The following NSMCE2 variants were observed in gnomAD, a reference collection of about 807,000 sequenced individuals.
NSMCE2 encodes E3 SUMO-protein ligase NSE2.
Under a neutral mutation model 23.8 loss-of-function variants are expected in NSMCE2, and 24 were observed. The ratio of observed to expected loss-of-function variants is 1.01; its 90% CI spans 0.73 to 1.42. The LOEUF (loss-of-function observed/expected upper bound fraction) is 1.42, where lower values mean the gene tolerates loss of function less well. Among genes scored for constraint, NSMCE2 ranks in the 40% most tolerant of loss-of-function variants. NSMCE2 has a pLI of 0.00. For synonymous variants in NSMCE2, 92 were observed against 94.1 expected, an observed-to-expected ratio of 0.98 and a Z score of 0.13; for missense variants, 284 against 296.5, an observed-to-expected ratio of 0.96 and a Z score of 0.31.
chr8:125,251,644 G>A (rs1338622334), intron 5 of NSMCE2, among the ~76,000 whole-genome samples: 2 of 152,142 alleles, frequency 1.3e-5, no homozygotes, highest in Non-Finnish European at 2.9e-5. Flanking sequence ...AGCAAAAATA[G>A]CAACCACTTA....
intron 4 of NSMCE2, among the ~76,000 whole-genome samples, chr8:125,181,095 A>T (rs1451682865): frequency 1.3e-5 from 2 of 152,202 alleles, no homozygotes; most frequent in Non-Finnish European, 2.9e-5. Context: ...GGGAGCGATT[A>T]TGAAGGCCTG....
intron 5 of NSMCE2, among the ~76,000 whole-genome samples, chr8:125,214,079 A>G (rs1382449901): frequency 2.0e-5 from 3 of 152,208 alleles, no homozygotes; most frequent in Admixed American, 2.0e-4. Flanking sequence ...GTGTTAATAA[A>G]TGTTTTCAAA....
intron 3 of NSMCE2, among the ~76,000 whole-genome samples, chr8:125,145,667 G>A (rs901473246): frequency 1.3e-5 from 2 of 152,162 alleles, no homozygotes; most frequent in African/African-American, 4.8e-5. Context: ...GGGGGTCGGG[G>A]GAGTCAAATG....
chr8:125,352,494 A>AT (rs1169176458), intron 5 of NSMCE2, among the ~76,000 whole-genome samples: 3 of 151,746 alleles, frequency 2.0e-5, no homozygotes. Context: ...AAAAAAAAAA[A>AT]TTTGGGAGCA....
intron 1 of NSMCE2, among the ~76,000 whole-genome samples, chr8:125,101,177 T>C (rs1586423460): frequency 6.6e-6 from 1 of 152,202 alleles, no homozygotes; most frequent in South Asian, 2.1e-4. Flanking sequence ...GGTCTCATGA[T>C]TGACATGGTA....
intron 5 of NSMCE2, among the ~76,000 whole-genome samples, chr8:125,220,843 A>T (rs1391806793): frequency 6.6e-6 from 1 of 152,198 alleles, no homozygotes; most frequent in Non-Finnish European, 1.5e-5. Flanking sequence ...AATGCAAGAA[A>T]AACTAACATT....
At position 125,230,070 on chromosome 8, in the gene NSMCE2, G is replaced by A. The variant is rs1825258339; in HGVS notation, c.418+47814G>A. ...AAAACTCTTAAAATAGATCTTTTGT[G>A]TAGCATATAACACAAATATCTTTTT... is the stretch of plus-strand genomic sequence containing the variant. On this transcript the variant is annotated intron_variant, in intron 5 of 7. Coordinates refer to ENST00000287437, the MANE Select transcript of NSMCE2 (RefSeq NM_173685.4). Among the ~76,000 whole-genome samples, 3 of 152,130 alleles carry A rather than the reference G, an allele frequency of 2.0e-5. 1 individual carries two copies. The South Asian group carries it at 6.2e-4, about 32-fold the overall frequency.
intron 5 of NSMCE2, among the ~76,000 whole-genome samples, chr8:125,223,716 A>G (rs745646658): frequency 3.3e-5 from 5 of 151,586 alleles, no homozygotes; most frequent in Non-Finnish European, 7.4e-5. Flanking sequence ...TGCATTTCCC[A>G]GGTGTCTGGA....
At chr8:125,299,893 G>A (rs1045444386) in intron 5 of NSMCE2, among the ~76,000 whole-genome samples, 9 of 131,866 alleles carry the variant, frequency 6.8e-5, no homozygotes, top group East Asian at 5.1e-4. Context: ...ATCTCGGCTC[G>A]CTGCAGCCTC....
intron 3 of NSMCE2, among the ~76,000 whole-genome samples, chr8:125,123,603 CACAA>C (rs777573062): frequency 4.1e-4 from 62 of 152,220 alleles, no homozygotes; most frequent in African/African-American, 1.1e-3. Context: ...CGCACACGCA[CACAA>C]ACACACACAC....
At chr8:125,276,332 GT>G (rs1827449063) in intron 5 of NSMCE2, among the ~76,000 whole-genome samples, 1 of 152,156 alleles carries the variant, frequency 6.6e-6, no homozygotes, top group African/African-American at 2.4e-5. Context: ...TTGCTGTGTA[GT>G]TTTCCTGCCC....
intron 5 of NSMCE2, among the ~76,000 whole-genome samples, chr8:125,298,110 A>G (rs1222147157): frequency 2.6e-5 from 4 of 151,960 alleles, no homozygotes; most frequent in Non-Finnish European, 4.4e-5. Flanking sequence ...AAAATAAAAA[A>G]TTTGCCTGGT....
intron 5 of NSMCE2, among the ~76,000 whole-genome samples, chr8:125,245,298 A>G (rs1825912490): frequency 6.6e-6 from 1 of 152,134 alleles, no homozygotes; most frequent in Non-Finnish European, 1.5e-5. Context: ...ATAAATAAAT[A>G]AAGGTAAGCA....
intron 5 of NSMCE2, among the ~76,000 whole-genome samples, chr8:125,284,220 T>G (rs1275029033): frequency 6.6e-6 from 1 of 151,458 alleles, no homozygotes; most frequent in Admixed American, 6.6e-5. Flanking sequence ...GAAAAAAAAT[T>G]TTAAGTTCTG....
intron 5 of NSMCE2, among the ~76,000 whole-genome samples, chr8:125,338,916 C>G (rs1830147120): frequency 6.6e-6 from 1 of 152,152 alleles, no homozygotes; most frequent in Non-Finnish European, 1.5e-5. Flanking sequence ...AAAGGATTCC[C>G]TGAAAACTAA....
intron 5 of NSMCE2, among the ~76,000 whole-genome samples, chr8:125,243,663 A>T (rs984421008): frequency 1.3e-5 from 2 of 152,208 alleles, no homozygotes; most frequent in African/African-American, 2.4e-5. Flanking sequence ...TTAAGGAATT[A>T]TAAGAACTAT....
rs2130370115 is a variant in NSMCE2, at chr8:125,103,562, T to A, written c.157+1075T>A. Among the ~76,000 whole-genome samples, 3 of 152,306 alleles carry A rather than the reference T, an allele frequency of 2.0e-5. No individual in the cohort carries two copies. In the Middle Eastern group the frequency reaches 0.01, roughly 518 times the overall value. On this transcript the variant is annotated intron_variant, in intron 3 of 7. Transcript: ENST00000287437. Reference sequence around the variant, plus strand: ...TTCTGCTACTATTTCTTCAAATATATTTTTTTAATTCCTCTGCTCTCCTCT... The same window carrying A: ...TTCTGCTACTATTTCTTCAAATATAATTTTTTAATTCCTCTGCTCTCCTCT...
At chr8:125,197,431 C>T (rs1413389055) in intron 5 of NSMCE2, among the ~76,000 whole-genome samples, 1 of 152,142 alleles carries the variant, frequency 6.6e-6, no homozygotes. Flanking sequence ...GCCAGTTTTC[C>T]CAGCACCATT....
intron 3 of NSMCE2, among the ~76,000 whole-genome samples, chr8:125,129,256 C>T (rs1366083880): frequency 6.6e-6 from 1 of 152,106 alleles, no homozygotes; most frequent in Non-Finnish European, 1.5e-5. Flanking sequence ...GAGAAGGAGC[C>T]ACTGGAGGGT....
Sources: gnomAD v4.1 joint callset for allele counts (sites outside exome capture counted in the v4.1 genomes callset) on GRCh38, gnomAD v4.1.1 for gene constraint, MANE v1.5 for transcripts, NCBI Gene and HGNC (gene_info 2026-07-23, HGNC 2026-07-21) for gene names.